TTC7A: variants seen among roughly 807,000 people sequenced by gnomAD.
The protein encoded by TTC7A is tetratricopeptide repeat protein 7A.
TTC7A carries 110 observed loss-of-function variants against 103.7 expected under a neutral mutation model. The observed-to-expected ratio is 1.06, with a 90% CI of 0.91 to 1.24. TTC7A has a LOEUF of 1.24. TTC7A is among the 50% of genes most tolerant of loss of function. TTC7A has a pLI of 0.00. For synonymous variants in TTC7A, 521 were observed against 467.9 expected (o/e 1.11, Z -1.47); for missense variants, 1,340 against 1,116.3 (o/e 1.20, Z -2.86).
intron 17 of TTC7A, 129 bp downstream of exon 17, chr2:47,050,175 A>G (rs1573031131): frequency 2.6e-6 from 2 of 756,730 alleles, no homozygotes; most frequent in Admixed American, 4.3e-5. Context: ...GCTCCTTGCC[A>G]GCTCGGGCAA....
At chr2:47,068,675 C>G (rs1684388085) in intron 19 of TTC7A, 1 of 151,674 alleles carries the variant, frequency 6.6e-6, no homozygotes, top group Non-Finnish European at 1.5e-5. Flanking sequence ...CCCTACCCAC[C>G]TTATCCCTGG....
chr2:47,006,408 C>T (rs1677391348), intron 9 of TTC7A, among the ~76,000 whole-genome samples: 1 of 152,214 alleles, frequency 6.6e-6, no homozygotes, highest in East Asian at 1.9e-4. Context: ...TGAGATCATT[C>T]ACATGTTAAG....
intron 16 of TTC7A, among the ~76,000 whole-genome samples, chr2:47,048,057 T>A (rs1682504777): frequency 6.6e-6 from 1 of 152,120 alleles, no homozygotes; most frequent in African/African-American, 2.4e-5. Context: ...TCCACTGAAC[T>A]CCCTGACCCC....
intron 14 of TTC7A, 129 bp from the exon 15 acceptor site, chr2:47,029,095 C>A: frequency 1.9e-6 from 2 of 1,065,614 alleles, no homozygotes; most frequent in Non-Finnish European, 2.7e-6. Flanking sequence ...CTCACAGCAG[C>A]CTCCCTGCCC....
chr2:47,021,663 C>T (rs1442101114), intron 11 of TTC7A, among the ~76,000 whole-genome samples, 199 bp from the exon 12 acceptor site: 4 of 152,246 alleles, frequency 2.6e-5, no homozygotes, highest in South Asian at 4.1e-4. Flanking sequence ...CAAACTGGCC[C>T]GGTCTTGGGT....
intron 8 of TTC7A, among the ~76,000 whole-genome samples, chr2:47,002,496 G>C (rs1030397297): frequency 6.6e-6 from 1 of 152,154 alleles, no homozygotes; most frequent in East Asian, 1.9e-4. Context: ...AATGGTGGAA[G>C]GGAAAGAGTG....
intron 15 of TTC7A, 123 bp downstream of exon 15, chr2:47,029,507 A>C (rs1424052990): frequency 1.3e-5 from 15 of 1,111,892 alleles, no homozygotes; most frequent in Non-Finnish European, 1.8e-5. Context: ...CGCTGCATGC[A>C]CAATCCCTGG....
intron 11 of TTC7A, among the ~76,000 whole-genome samples, chr2:47,012,128 C>T (rs972166001): frequency 1.3e-5 from 2 of 152,228 alleles, no homozygotes; most frequent in Non-Finnish European, 2.9e-5. Flanking sequence ...CTGTAGTCCT[C>T]CTGCCCTGGG....
chr2:46,991,669 A>G (rs1278794109), intron 5 of TTC7A, among the ~76,000 whole-genome samples: 1 of 152,212 alleles, frequency 6.6e-6, no homozygotes, highest in Non-Finnish European at 1.5e-5. Flanking sequence ...CGGTGATAGT[A>G]TTATTAGGAC....
intron 3 of TTC7A, among the ~76,000 whole-genome samples, chr2:46,958,745 T>C (rs1431707205): frequency 6.6e-6 from 1 of 152,186 alleles, no homozygotes; most frequent in African/African-American, 2.4e-5. Flanking sequence ...CTTGAGACCA[T>C]GCACGTGGCC....
chr2:47,047,381 C>T, intron 16 of TTC7A: 15 of 1,319,672 alleles, frequency 1.1e-5, no homozygotes, highest in Non-Finnish European at 1.6e-5. Flanking sequence ...TCAGCCCTCA[C>T]TTTTCAGGCC....
At chr2:47,001,006 G>T (rs958651756) in intron 8 of TTC7A, among the ~76,000 whole-genome samples, 1 of 152,268 alleles carries the variant, frequency 6.6e-6, no homozygotes, top group African/African-American at 2.4e-5. Flanking sequence ...CAGGAGTGAA[G>T]TCAGAATGTC....
chr2:46,994,793 G>A (rs910397754), intron 7 of TTC7A, among the ~76,000 whole-genome samples: 7 of 152,266 alleles, frequency 4.6e-5, no homozygotes, highest in South Asian at 2.1e-4. Context: ...CCTCTCTCTC[G>A]CTTGTGCCAT....
intron 3 of TTC7A, among the ~76,000 whole-genome samples, chr2:46,962,702 C>T (rs1336000081): frequency 6.6e-6 from 1 of 152,234 alleles, no homozygotes; most frequent in Non-Finnish European, 1.5e-5. Flanking sequence ...ATATGGCTGT[C>T]TCTAGTTCTG....
intron 16 of TTC7A, among the ~76,000 whole-genome samples, chr2:47,048,438 G>A (rs147442585): frequency 2.0e-5 from 3 of 152,262 alleles, no homozygotes; most frequent in Non-Finnish European, 1.5e-5. Flanking sequence ...TGCCCATGTT[G>A]TCTCATTTGC....
chr2:47,047,689 G>A (rs1460038211), intron 16 of TTC7A, among the ~76,000 whole-genome samples: 1 of 152,198 alleles, frequency 6.6e-6, no homozygotes, highest in African/African-American at 2.4e-5. Context: ...CCTCCAAGTG[G>A]TCAGTCGTGG....
rs753620992 is a variant in TTC7A at position 47,005,914 on chromosome 2, A to G, written c.1066-8A>G. On this transcript the variant is annotated splice_polypyrimidine_tract_variant and splice_region_variant and intron_variant, in intron 8 of 19. Coordinates refer to ENST00000319190, the MANE Select transcript of TTC7A (RefSeq NM_020458.4). Reference sequence around the variant, plus strand: ...CTCACTCTTTCCCAAACAATGTCCCACCCACAGGCAACTCGAGATGTGGTG... The same window carrying G: ...CTCACTCTTTCCCAAACAATGTCCCGCCCACAGGCAACTCGAGATGTGGTG... The G allele has an allele frequency of 3.7e-6, 6 of 1,613,950 alleles. No individual in the cohort carries two copies. The Admixed American group carries it at 1.0e-4, about 27-fold the overall frequency.
chr2:46,958,601 C>G, intron 3 of TTC7A: 1 of 1,251,700 alleles, frequency 8.0e-7, no homozygotes, highest in Non-Finnish European at 1.1e-6. Context: ...TCAGGCTGTG[C>G]TAGCTCCCGT....
chr2:47,002,008 C>G (rs755816673), intron 8 of TTC7A, among the ~76,000 whole-genome samples: 1 of 152,174 alleles, frequency 6.6e-6, no homozygotes, highest in Non-Finnish European at 1.5e-5. Context: ...GATACTTGGT[C>G]AAAGACCAGA....
Sources: gnomAD v4.1 joint callset for allele counts (sites outside exome capture counted in the v4.1 genomes callset) on GRCh38, gnomAD v4.1.1 for gene constraint, MANE v1.5 for transcripts, NCBI Gene and HGNC (gene_info 2026-07-23, HGNC 2026-07-21) for gene names.